Variants in NDRG2 observed in about 807,000 individuals in gnomAD.
NDRG2 encodes NDRG family member 2.
NDRG2 carries 34 observed loss-of-function variants against 58.2 expected under a neutral mutation model. The observed-to-expected ratio is 0.58, with a 90% CI of 0.44 to 0.78. NDRG2 has a LOEUF of 0.78. Among genes scored for constraint, NDRG2 ranks in the 30% least tolerant of loss-of-function variants. NDRG2 has a pLI of 0.00. For missense variants in NDRG2, 434 were observed against 471.2 expected (o/e 0.92, Z 0.73); for synonymous variants, 187 against 175.9 (o/e 1.06, Z -0.50).
intron 1 of NDRG2, chr14:21,032,788 A>G (rs191733878): frequency 1.9e-5 from 7 of 372,688 alleles, no homozygotes; most frequent in African/African-American, 1.5e-4. Context: ...TGCACTGAAG[A>G]AAAAGCAATT....
In NDRG2 at chr14:21,058,204, C is replaced by T. The variant is rs373590322; in HGVS notation, c.24+12624G>A. 43 of 1,614,006 alleles carry T rather than the reference C, an allele frequency of 2.7e-5. 1 individual carries two copies. In the African/African-American group the frequency reaches 3.3e-4, roughly 13 times the overall value. On this transcript the variant is annotated intron_variant, in intron 1 of 14. Transcript: ENST00000403829. ...GCCACCAGAGCCACGGGCCCATGTC[C>T]CTGACCATGGGTGAGCTCACCTCAG...
At chr14:21,020,657 C>T (rs537251259) in intron 7 of NDRG2, 75 bp from the exon 8 acceptor site, 10 of 1,580,182 alleles carry the variant, frequency 6.3e-6, no homozygotes, top group Non-Finnish European at 7.0e-6. Context: ...TCGACCCACT[C>T]CTGGACTCCC....
chr14:21,025,083 C>A (rs915139170), upstream of NDRG2: 37 of 986,062 alleles, frequency 3.8e-5, no homozygotes, highest in Non-Finnish European at 4.2e-5. This position sits in a 1 kb window ranked among gnomAD's most constrained non-coding sequence, Gnocchi z 5.1. Context: ...GGGCCCGCCC[C>A]GGCTCGGGCT....
At chr14:21,018,565 G>C in intron 12 of NDRG2, 61 bp from the exon 13 acceptor site, 1 of 1,594,164 alleles carries the variant, frequency 6.3e-7, no homozygotes, top group South Asian at 1.1e-5. Flanking sequence ...TCCCCCGTAA[G>C]GGACCCAGGA....
At chr14:21,049,126 C>A (rs764550530) in intron 1 of NDRG2, among the ~76,000 whole-genome samples, 1 of 152,098 alleles carries the variant, frequency 6.6e-6, no homozygotes, top group Non-Finnish European at 1.5e-5. Flanking sequence ...GTATTCCCTC[C>A]CATCCAAAGG....
rs772812565 is a variant in NDRG2 at position 21,017,727 on chromosome 14, G to C, written c.985C>G (p.Arg329Gly). 1 of 1,603,476 alleles carries C rather than the reference G, an allele frequency of 6.2e-7. No individual in the cohort carries two copies. The highest frequency in any genetic ancestry group is 8.5e-7 in the Non-Finnish European group (1 of 1,174,764). Residue 329 changes from arginine (R) to glycine (G), a missense_variant, in exon 16 of 16, where the codon CGT becomes GGT. Arg to Gly is a moderately radical substitution (Grantham distance 125). Coordinates refer to ENST00000556147, the MANE Select transcript of NDRG2 (RefSeq NM_001320329.2). ...SSCMTRLSRS[R>G]TASLTSAASV... Reference sequence around the variant, plus strand: ...GCTGCACTGGTCAGAGAGGCTGTACGAGACCGGGACAGGCGAGTCATGCAG... The same window carrying C: ...GCTGCACTGGTCAGAGAGGCTGTACCAGACCGGGACAGGCGAGTCATGCAG...
chr14:21,030,401 G>A (rs1172287046), upstream of NDRG2: 11 of 624,172 alleles, frequency 1.8e-5, no homozygotes, highest in Non-Finnish European at 2.5e-5. Context: ...TGCTGTAGTT[G>A]CGTAGGTGCA....
At chr14:21,036,182 C>G (rs965501453) in intron 1 of NDRG2, 2 of 456,196 alleles carry the variant, frequency 4.4e-6, no homozygotes, top group Non-Finnish European at 8.8e-6. Flanking sequence ...ATTCTTATTT[C>G]TTCCTCAGTG....
chr14:21,069,061 G>A (rs1566515555), intron 1 of NDRG2, among the ~76,000 whole-genome samples: 1 of 152,204 alleles, frequency 6.6e-6, no homozygotes, highest in African/African-American at 2.4e-5. Context: ...CCCCTCCGGG[G>A]ACTATTCGGC....
intron 1 of NDRG2, chr14:21,034,130 A>G (rs1322223107): frequency 6.2e-7 from 1 of 1,614,222 alleles, no homozygotes. Flanking sequence ...ACATCAGACC[A>G]TTACAATAGC....
chr14:21,034,202 G>A, intron 1 of NDRG2: 2 of 1,614,052 alleles, frequency 1.2e-6, no homozygotes, highest in Non-Finnish European at 1.7e-6. Context: ...AGAAGTTCCT[G>A]CTGCCAATCT....
chr14:21,034,848 G>A (rs528834769), intron 1 of NDRG2: 1 of 153,286 alleles, frequency 6.5e-6, no homozygotes, highest in African/African-American at 2.4e-5. Context: ...GGTTGGATGG[G>A]TGGGAGGAAA....
Position 21,017,797 on chromosome 14 carries a change from A to T in NDRG2, c.950-35T>A, listed in dbSNP as rs563421269. ...CAGCACGATGCACAAGCAGTCAGAG[A>T]GGAAGTGGGGAAGGGGGGCTGGCGA... On this transcript the variant is annotated intron_variant, in intron 15 of 15. Transcript: ENST00000556147. 5.0e-6 allele frequency: 8 copies of T among 1,604,362 alleles called. No homozygotes were observed. In the African/African-American group the frequency reaches 1.1e-4, roughly 21 times the overall value.
chr14:21,022,109 A>T lies in NDRG2; in HGVS notation c.297T>A (p.His99Gln). The T allele has an allele frequency of 6.2e-7, 1 of 1,614,184 alleles. No homozygotes were observed. Among genetic ancestry groups the T allele is most frequent in the East Asian group, 2.2e-5 (1 of 44,886 alleles). ...QEIIQNFVRV[H>Q]VDAPGMEEGA... is the part of the protein sequence containing the mutation. ...CCTCTTCCATTCCAGGGGCATCCACATGAACCCGCACAAAGTTCTGAATGA... is the reference window on the plus strand; with the variant it reads ...CCTCTTCCATTCCAGGGGCATCCACTTGAACCCGCACAAAGTTCTGAATGA... Residue 99 changes from histidine to glutamine, a missense_variant, in exon 5 of 16, where the codon CAT (histidine) becomes CAA (glutamine). Coordinates refer to ENST00000556147, the MANE Select transcript of NDRG2 (RefSeq NM_001320329.2).
chr14:21,051,841 G>C (rs1325274122), intron 1 of NDRG2, among the ~76,000 whole-genome samples: 2 of 152,184 alleles, frequency 1.3e-5, no homozygotes, highest in Non-Finnish European at 2.9e-5. Context: ...GGCACTTGTA[G>C]TTCAAAGACG....
At chr14:21,058,055 A>G in intron 1 of NDRG2, 1 of 1,614,150 alleles carries the variant, frequency 6.2e-7, no homozygotes, top group Non-Finnish European at 8.5e-7. Context: ...CTCAGCCATG[A>G]GCATCATCAA....
At chr14:21,030,753 A>C, upstream of NDRG2, 1 of 1,613,600 alleles carries the variant, frequency 6.2e-7, no homozygotes. Context: ...CAGCAAAGTC[A>C]AGTGAGGAGC....
chr14:21,060,598 A>G (rs1294584526), intron 1 of NDRG2, among the ~76,000 whole-genome samples: 1 of 152,176 alleles, frequency 6.6e-6, no homozygotes, highest in African/African-American at 2.4e-5. Context: ...AAAGACAGGT[A>G]TATCTCCAGC....
intron 1 of NDRG2, among the ~76,000 whole-genome samples, chr14:21,069,209 A>G (rs1362447973): frequency 6.6e-6 from 1 of 151,438 alleles, no homozygotes; most frequent in Non-Finnish European, 1.5e-5. Context: ...CTCCTGGGAG[A>G]CCCCCCATCT....
Sources: gnomAD v4.1 joint callset for allele counts (sites outside exome capture counted in the v4.1 genomes callset) on GRCh38, gnomAD v4.1.1 for gene constraint, Gnocchi (gnomAD v3.1) non-coding constraint, MANE v1.5 for transcripts, NCBI Gene and HGNC (gene_info 2026-07-23, HGNC 2026-07-21) for gene names.